Variants in CYP2C19 observed in about 807,000 individuals in gnomAD.
CYP2C19 encodes cytochrome P450 family 2 subfamily C member 19.
CYP2C19 carries 59 observed loss-of-function variants against 40.9 expected under a neutral mutation model. That is an observed-to-expected ratio of 1.44 (90% CI 1.17 to 1.79). CYP2C19 has a LOEUF of 1.79. Ranked by LOEUF, CYP2C19 falls within the 40% of genes most tolerant of loss-of-function variation. The pLI is 0.00. For missense variants in CYP2C19, 754 were observed against 596.9 expected (o/e 1.26, Z -2.74); for synonymous variants, 253 against 208.7 (o/e 1.21, Z -1.83).
At chr10:94,851,303 A>G (rs1207748894) in intron 8 of CYP2C19, among the ~76,000 whole-genome samples, 1 of 149,106 alleles carries the variant, frequency 6.7e-6, no homozygotes, top group Admixed American at 6.6e-5. Context: ...ATGAGAACTC[A>G]CTCACTATCA....
intron 1 of CYP2C19, among the ~76,000 whole-genome samples, chr10:94,763,909 A>T (rs112095385): frequency 6.6e-6 from 1 of 152,194 alleles, no homozygotes; most frequent in African/African-American, 2.4e-5. Context: ...GTTCAGATGC[A>T]TCTGGAGTTT....
chr10:94,821,343 A>C (rs973950979), intron 6 of CYP2C19, among the ~76,000 whole-genome samples: 1 of 152,192 alleles, frequency 6.6e-6, no homozygotes, highest in Non-Finnish European at 1.5e-5. Flanking sequence ...TCTCATTCTC[A>C]AAACTTCAGG....
chr10:94,769,660 G>C (rs1383603439), intron 1 of CYP2C19, among the ~76,000 whole-genome samples: 2 of 152,138 alleles, frequency 1.3e-5, no homozygotes, highest in Non-Finnish European at 2.9e-5. Context: ...ACTGAGGCTT[G>C]AGTTTTTAAA....
chr10:94,844,932 G>T (rs1451222596), intron 7 of CYP2C19, among the ~76,000 whole-genome samples: 1 of 152,192 alleles, frequency 6.6e-6, no homozygotes, highest in African/African-American at 2.4e-5. Flanking sequence ...GGGGAATGCT[G>T]CATCTGATGA....
At chr10:94,769,585 T>C (rs1174247601) in intron 1 of CYP2C19, among the ~76,000 whole-genome samples, 2 of 152,180 alleles carry the variant, frequency 1.3e-5, no homozygotes, top group Non-Finnish European at 2.9e-5. Flanking sequence ...TGCACTAGTC[T>C]CCACAGACTG....
chr10:94,820,697 A>C, intron 6 of CYP2C19, 60 bp downstream of exon 6: 2 of 1,597,682 alleles, frequency 1.3e-6, no homozygotes, highest in Non-Finnish European at 1.7e-6. Flanking sequence ...AGGTGCTGCT[A>C]GTGTTCTCCT....
At chr10:94,828,178 T>G (rs1179027737) in intron 6 of CYP2C19, among the ~76,000 whole-genome samples, 1 of 152,126 alleles carries the variant, frequency 6.6e-6, no homozygotes, top group Non-Finnish European at 1.5e-5. Flanking sequence ...GCCTATTAGG[T>G]CCGCTTGGTG....
chr10:94,776,768 C>G (rs977936166), intron 3 of CYP2C19, among the ~76,000 whole-genome samples: 1 of 152,100 alleles, frequency 6.6e-6, no homozygotes, highest in Non-Finnish European at 1.5e-5. Context: ...TCTCACCACT[C>G]CTATTCAACA....
At chr10:94,782,505 G>C (rs1483275973) in intron 5 of CYP2C19, among the ~76,000 whole-genome samples, 1 of 151,784 alleles carries the variant, frequency 6.6e-6, no homozygotes, top group Non-Finnish European at 1.5e-5. Context: ...TTTTTACTCT[G>C]TTTGTGGGAG....
intron 6 of CYP2C19, among the ~76,000 whole-genome samples, chr10:94,826,139 G>T (rs963152046): frequency 6.6e-6 from 1 of 151,950 alleles, no homozygotes; most frequent in Non-Finnish European, 1.5e-5. Context: ...TTGGTGATGC[G>T]GGCTCTTTTT....
At chr10:94,806,265 C>T (rs888911522) in intron 5 of CYP2C19, among the ~76,000 whole-genome samples, 3 of 152,034 alleles carry the variant, frequency 2.0e-5, no homozygotes, top group Non-Finnish European at 2.9e-5. Context: ...AATAATATTC[C>T]GTTGTATGTA....
chr10:94,789,748 C>T (rs1848583015), intron 5 of CYP2C19, among the ~76,000 whole-genome samples: 2 of 152,130 alleles, frequency 1.3e-5, no homozygotes, highest in South Asian at 4.1e-4. Context: ...TTACTTCGGC[C>T]TTGTAATATA....
At chr10:94,829,969 G>A (rs558977197) in intron 6 of CYP2C19, among the ~76,000 whole-genome samples, 1 of 152,336 alleles carries the variant, frequency 6.6e-6, no homozygotes, top group African/African-American at 2.4e-5. Flanking sequence ...GGCTGCTCAG[G>A]GGTCAGGGGT....
chr10:94,803,144 C>G (rs1462657152), intron 5 of CYP2C19, among the ~76,000 whole-genome samples: 1 of 152,236 alleles, frequency 6.6e-6, no homozygotes, highest in East Asian at 1.9e-4. Context: ...TTTCATGGTG[C>G]CAGAATTCTT....
At chr10:94,775,710 T>C in intron 3 of CYP2C19, 171 bp downstream of exon 3, 1 of 1,091,324 alleles carries the variant, frequency 9.2e-7, no homozygotes, top group Non-Finnish European at 1.3e-6. Flanking sequence ...ATGTTTGTGC[T>C]GTGTGTGTAC....
At chr10:94,842,017 T>C (rs1327974685) in intron 6 of CYP2C19, among the ~76,000 whole-genome samples, 2 of 152,232 alleles carry the variant, frequency 1.3e-5, no homozygotes, top group South Asian at 2.1e-4. Context: ...ATTTGGTCTA[T>C]AGTGCAGATG....
At chr10:94,765,151 G>A (rs1419074894) in intron 1 of CYP2C19, among the ~76,000 whole-genome samples, 1 of 152,064 alleles carries the variant, frequency 6.6e-6, no homozygotes, top group Non-Finnish European at 1.5e-5. Flanking sequence ...GAGAGTGTGT[G>A]GTAGTAGGAT....
At chr10:94,816,877 T>C (rs1268033505) in intron 5 of CYP2C19, among the ~76,000 whole-genome samples, 1 of 148,600 alleles carries the variant, frequency 6.7e-6, no homozygotes. Flanking sequence ...TGATTTCCAA[T>C]TTCATCCATG....
rs963658791 is a variant in CYP2C19, at chr10:94,820,733, T to C, written c.961+96T>C. On this transcript the variant is annotated intron_variant, in intron 6 of 8. Transcript: ENST00000371321. ...TTCTGTTTCTCTTAGAGAAGTTCCATTATTTAAATTTCTGTGCCCGCAGCT... is the reference window on the plus strand; with the variant it reads ...TTCTGTTTCTCTTAGAGAAGTTCCACTATTTAAATTTCTGTGCCCGCAGCT... 2.0e-6 allele frequency: 3 copies of C among 1,491,908 alleles called. No homozygotes were observed. In the African/African-American group the frequency reaches 4.2e-5, roughly 21 times the overall value. The allele number at this position is 1,491,908 out of a possible 1,614,324, so 92.4% of individuals were successfully genotyped here. A position where few individuals can be genotyped will look rare whatever the true frequency, so the allele number is the denominator to read the frequency against.
Sources: allele counts gnomAD v4.1 joint callset (sites outside exome capture counted in the v4.1 genomes callset), GRCh38; gene constraint gnomAD v4.1.1; transcripts MANE v1.5; gene names NCBI Gene and HGNC (gene_info 2026-07-23, HGNC 2026-07-21).